PCDHA12: variants seen among roughly 807,000 people sequenced by gnomAD.
PCDHA12 encodes protocadherin alpha-12.
A neutral mutation model predicts 60.0 loss-of-function variants in PCDHA12; 44 were observed. That is an observed-to-expected ratio of 0.73 (90% CI 0.58 to 0.94). The LOEUF (loss-of-function observed/expected upper bound fraction) is 0.94. PCDHA12 is among the 40% of genes least tolerant of loss of function. The probability of loss-of-function intolerance (pLI) is 0.00; values close to 1 mark genes in which losing one functional copy is unlikely to be tolerated. For synonymous variants in PCDHA12, 569 were observed against 553.0 expected, an observed-to-expected ratio of 1.03 and a Z score of -0.40; for missense variants, 1,276 against 1,239.7, an observed-to-expected ratio of 1.03 and a Z score of -0.44.
chr5:140,966,278 T>A, intron 1 of PCDHA12: 1 of 363,192 alleles, frequency 2.8e-6, no homozygotes, highest in Non-Finnish European at 4.9e-6. Context: ...AACTGGACAG[T>A]GGGGGTAGGG....
At chr5:140,967,979 G>C (rs1405177525) in intron 1 of PCDHA12, 3 of 1,614,100 alleles carry the variant, frequency 1.9e-6, no homozygotes, top group Non-Finnish European at 2.5e-6. Flanking sequence ...CCTGGGTCTG[G>C]AGGCCACACT....
intron 1 of PCDHA12, among the ~76,000 whole-genome samples, chr5:140,976,553 A>G (rs1554237789): frequency 1.3e-5 from 2 of 152,074 alleles, no homozygotes; most frequent in Non-Finnish European, 2.9e-5. Context: ...CCTATCTCAT[A>G]AATAAATAAA....
In PCDHA12 at chr5:141,010,434, A is replaced by G; in HGVS notation, c.*497A>G. 9.7e-7 allele frequency: 1 copy of G among 1,031,156 alleles called. No homozygotes were observed. Among genetic ancestry groups the G allele is most frequent in the Non-Finnish European group, 1.4e-6 (1 of 732,962 alleles). 63.9% of individuals were successfully genotyped at this position (1,031,156 alleles called of 1,614,324 possible). A position where few individuals can be genotyped will look rare whatever the true frequency, so the allele number is the denominator to read the frequency against. ...TTGGTACAAGGAAGGCAAGAAAACA[A>G]AGACAAATAAACAGCGGAAGTTATC... On this transcript the variant is annotated 3_prime_UTR_variant, in exon 4 of 4. Transcript: ENST00000398631.
At chr5:140,918,548 A>G (rs1360159345) in intron 1 of PCDHA12, among the ~76,000 whole-genome samples, 3 of 152,192 alleles carry the variant, frequency 2.0e-5, no homozygotes, top group Non-Finnish European at 4.4e-5. Context: ...TCCATGTGCA[A>G]TTGAGAAGAA....
intron 3 of PCDHA12, among the ~76,000 whole-genome samples, chr5:140,997,495 C>T (rs1255911617): frequency 6.6e-6 from 1 of 152,078 alleles, no homozygotes; most frequent in East Asian, 1.9e-4. Context: ...ATTTGTGTAT[C>T]TCAACATACC....
At chr5:140,887,253 C>T (rs1045921651) in intron 1 of PCDHA12, among the ~76,000 whole-genome samples, 3 of 151,962 alleles carry the variant, frequency 2.0e-5, no homozygotes, top group Admixed American at 6.6e-5. Flanking sequence ...CCCGCCACCA[C>T]GCCCTGCTAA....
chr5:140,980,978 C>T (rs1482749121), intron 2 of PCDHA12, among the ~76,000 whole-genome samples: 1 of 152,032 alleles, frequency 6.6e-6, no homozygotes, highest in South Asian at 2.1e-4. Flanking sequence ...TCTGACTGAG[C>T]CCACACAATT....
At chr5:140,904,754 C>G (rs2071365435) in intron 1 of PCDHA12, among the ~76,000 whole-genome samples, 1 of 152,068 alleles carries the variant, frequency 6.6e-6, no homozygotes, top group South Asian at 2.1e-4. Context: ...ACCATTTTTG[C>G]AAGAATAAGA....
At chr5:140,993,103 G>A (rs2097540365) in intron 3 of PCDHA12, among the ~76,000 whole-genome samples, 1 of 152,218 alleles carries the variant, frequency 6.6e-6, no homozygotes, top group East Asian at 1.9e-4. Context: ...TTTATTCAGC[G>A]GTCAGTGTCA....
intron 1 of PCDHA12, chr5:140,969,176 G>T (rs1554231542): frequency 6.2e-7 from 1 of 1,614,102 alleles, no homozygotes; most frequent in African/African-American, 1.3e-5. Context: ...CTCAGGGAGT[G>T]ACACTTTCAT....
At chr5:140,908,078 A>G (rs1047293736) in intron 1 of PCDHA12, among the ~76,000 whole-genome samples, 2 of 152,202 alleles carry the variant, frequency 1.3e-5, no homozygotes, top group Admixed American at 6.5e-5. Context: ...AAAGTGCACA[A>G]CCAGGTGCAC....
chr5:140,946,807 A>G (rs1333101378), intron 1 of PCDHA12, among the ~76,000 whole-genome samples: 3 of 151,418 alleles, frequency 2.0e-5, no homozygotes, highest in Non-Finnish European at 4.4e-5. Context: ...CAGAGAGTAT[A>G]ACAGTGATTA....
At chr5:140,912,385 C>A (rs1323082765) in intron 1 of PCDHA12, among the ~76,000 whole-genome samples, 6 of 148,114 alleles carry the variant, frequency 4.1e-5, no homozygotes, top group African/African-American at 1.5e-4. Context: ...GGATTGAGTT[C>A]TTAATTTGAT....
At chr5:140,882,947 C>G in intron 1 of PCDHA12, 1 of 1,614,162 alleles carries the variant, frequency 6.2e-7, no homozygotes, top group Non-Finnish European at 8.5e-7. Context: ...TGGCACAGTT[C>G]AGCTGCTCAT....
chr5:140,927,634 A>G, intron 1 of PCDHA12: 1 of 1,614,184 alleles, frequency 6.2e-7, no homozygotes, highest in Non-Finnish European at 8.5e-7. Context: ...GACTGCACCC[A>G]ATGGGACTGT....
chr5:140,894,675 A>G lies in PCDHA12; in HGVS notation c.2367+16836A>G, dbSNP rs78197412. Reference sequence around the variant, plus strand: ...CTAATTCTGATTTGTGTATTCTTGCATAGCTTTTCATTATTTTCTAAAAAT... The same window carrying G: ...CTAATTCTGATTTGTGTATTCTTGCGTAGCTTTTCATTATTTTCTAAAAAT... On this transcript the variant is annotated intron_variant, in intron 1 of 3. Coordinates refer to ENST00000398631, the MANE Select transcript of PCDHA12 (RefSeq NM_018903.4). 4.6e-3 allele frequency among the ~76,000 whole-genome samples: 702 copies of G among 151,998 alleles called. 3 individuals carry two copies. The highest frequency in any genetic ancestry group is 0.016 in the African/African-American group (679 of 41,480).
At chr5:140,897,412 C>T (rs1304528785) in intron 1 of PCDHA12, among the ~76,000 whole-genome samples, 1 of 143,354 alleles carries the variant, frequency 7.0e-6, no homozygotes, top group Non-Finnish European at 1.5e-5. Context: ...TTGTTCAATT[C>T]CCATCTATGA....
intron 1 of PCDHA12, among the ~76,000 whole-genome samples, chr5:140,949,684 C>T (rs116815984): frequency 0.023 from 3,563 of 151,738 alleles, 50 homozygotes; most frequent in Middle Eastern, 0.051. Context: ...CTTGTTGAAG[C>T]GTATTGTTGG....
At chr5:140,951,312 A>G (rs1316911878) in intron 1 of PCDHA12, among the ~76,000 whole-genome samples, 1 of 152,146 alleles carries the variant, frequency 6.6e-6, no homozygotes, top group Non-Finnish European at 1.5e-5. Flanking sequence ...TTAATGTGTT[A>G]TTCTTGAGAT....
Sources: gnomAD v4.1 joint callset for allele counts (sites outside exome capture counted in the v4.1 genomes callset) on GRCh38, gnomAD v4.1.1 for gene constraint, MANE v1.5 for transcripts, NCBI Gene and HGNC (gene_info 2026-07-23, HGNC 2026-07-21) for gene names.